CBFA2T2: variants seen among roughly 807,000 people sequenced by gnomAD.
CBFA2T2 encodes CBFA2/RUNX1 partner transcriptional co-repressor 2, also known as protein CBFA2T2.
CBFA2T2 carries 11 observed loss-of-function variants against 62.2 expected under a neutral mutation model. The observed-to-expected ratio is 0.18, with a 90% CI of 0.11 to 0.29. CBFA2T2 has a LOEUF of 0.29. Ranked by LOEUF, CBFA2T2 falls within the 10% of genes least tolerant of loss-of-function variation. The pLI is 1.00. For synonymous variants in CBFA2T2, 295 were observed against 287.5 expected (o/e 1.03, Z -0.27); for missense variants, 592 against 774.1 (o/e 0.76, Z 2.79).
Position 33,629,900 on chromosome 20 carries a change from A to G in CBFA2T2, c.1214A>G (p.Asp405Gly). 6.2e-7 allele frequency: 1 copy of G among 1,612,740 alleles called. No homozygotes were observed. The highest frequency in any genetic ancestry group is 1.7e-4 in the Middle Eastern group (1 of 6,006). The change falls in exon 8 of 11, where the codon GAT becomes GGT. Residue 405 changes from aspartate to glycine, a missense_variant. Asp to Gly is a moderately conservative substitution (Grantham distance 94, BLOSUM62 -1). Transcript: ENST00000342704. ...AGGCAGCACAGCCCTGGGAGTGCAG[A>G]TTCTCTCAGCAATGGTAAGGGGAGA... ...VSRQHSPGSADSLSNDSQREF... is the reference protein window; with the variant it reads ...VSRQHSPGSAGSLSNDSQREF...
intron 2 of CBFA2T2, among the ~76,000 whole-genome samples, chr20:33,609,160 G>A (rs1288682825): frequency 6.6e-6 from 1 of 151,828 alleles, no homozygotes; most frequent in Non-Finnish European, 1.5e-5. Flanking sequence ...ATTGTGTATT[G>A]TATTATTAAT....
chr20:33,634,687 AAAAAAAAAAG>A (rs1198955176), intron 8 of CBFA2T2, among the ~76,000 whole-genome samples: 8 of 150,334 alleles, frequency 5.3e-5, no homozygotes, highest in African/African-American at 1.7e-4. Flanking sequence ...AAAAAAAAAA[AAAAAAAAAAG>A]AATCTGAATA....
At chr20:33,623,387 G>A in intron 5 of CBFA2T2, 91 bp downstream of exon 5, 3 of 1,471,314 alleles carry the variant, frequency 2.0e-6, no homozygotes, top group Non-Finnish European at 1.9e-6. Flanking sequence ...GATTGCTGTG[G>A]TTGTAATGTC....
At chr20:33,540,719 G>C (rs1323057182) in intron 1 of CBFA2T2, among the ~76,000 whole-genome samples, 1 of 152,140 alleles carries the variant, frequency 6.6e-6, no homozygotes, top group Non-Finnish European at 1.5e-5. Context: ...TATTCGTTGT[G>C]TTAAAAAGCC....
intron 1 of CBFA2T2, among the ~76,000 whole-genome samples, chr20:33,512,303 A>C (rs1344727626): frequency 6.6e-6 from 1 of 152,056 alleles, no homozygotes; most frequent in Non-Finnish European, 1.5e-5. Flanking sequence ...GTGAACCAAG[A>C]TGGGGCTACT....
chr20:33,495,882 G>A (rs967223912), intron 1 of CBFA2T2, among the ~76,000 whole-genome samples: 3 of 152,054 alleles, frequency 2.0e-5, no homozygotes, highest in African/African-American at 7.2e-5. Flanking sequence ...TACCCCATTT[G>A]CAGGTTTATT....
At chr20:33,616,008 C>T (rs959706006) in intron 3 of CBFA2T2, among the ~76,000 whole-genome samples, 5 of 151,872 alleles carry the variant, frequency 3.3e-5, no homozygotes, top group Admixed American at 6.6e-5. Flanking sequence ...CCCAGGAGTT[C>T]GAGGCTGCCA....
intron 8 of CBFA2T2, among the ~76,000 whole-genome samples, chr20:33,633,235 G>A (rs911833084): frequency 3.9e-5 from 6 of 152,024 alleles, no homozygotes; most frequent in Admixed American, 1.3e-4. Context: ...AGCCAGGCAT[G>A]GTAGCACATG....
chr20:33,521,473 C>T (rs958924021), intron 1 of CBFA2T2, among the ~76,000 whole-genome samples: 10 of 152,092 alleles, frequency 6.6e-5, no homozygotes, highest in Non-Finnish European at 1.2e-4. Flanking sequence ...GGATAAAAGG[C>T]ATATTTTAGC....
chr20:33,649,521 G>A lies in CBFA2T2; in HGVS notation c.*4875G>A, dbSNP rs2017176478. On this transcript the variant is annotated 3_prime_UTR_variant, in exon 11 of 11. Coordinates refer to ENST00000342704, the MANE Select transcript of CBFA2T2 (RefSeq NM_001032999.3). Reference sequence around the variant, plus strand: ...CCTCCTCCCCCTCCACAGCCCCTGAGGTGGAGCTTCCCTCACAGACCCCAT... The same window carrying A: ...CCTCCTCCCCCTCCACAGCCCCTGAAGTGGAGCTTCCCTCACAGACCCCAT... The A allele has an allele frequency of 1.3e-5, 2 of 152,548 alleles. No homozygotes were observed. The highest frequency in any genetic ancestry group is 4.1e-4 in the South Asian group (2 of 4,830). 9.4% of individuals were successfully genotyped at this position (152,548 alleles called of 1,614,324 possible).
chr20:33,610,011 G>T (rs559324274), intron 2 of CBFA2T2, among the ~76,000 whole-genome samples: 2 of 152,176 alleles, frequency 1.3e-5, no homozygotes, highest in Non-Finnish European at 2.9e-5. Flanking sequence ...TGCCAGGCAC[G>T]GTGGCTCATG....
chr20:33,611,332 G>A lies in CBFA2T2; in HGVS notation c.417G>A (p.Leu139=). The part of the protein sequence containing the change: ...GEKVRTLVLA[L]VNSTVTIEEF... ...AGGTGCGGACTCTTGTTCTTGCACT[G>A]GTGGTAAGTACAGCCTCACTGTTGT... is the stretch of plus-strand genomic sequence containing the variant. Residue 139 remains leucine, a synonymous_variant, in exon 3 of 11, where the codon CTG becomes CTA. Transcript: ENST00000342704. 1 of 1,613,958 alleles carries A rather than the reference G, an allele frequency of 6.2e-7. No homozygotes were observed. The highest frequency in any genetic ancestry group is 8.5e-7 in the Non-Finnish European group (1 of 1,179,852).
chr20:33,548,534 G>A (rs866048743), intron 1 of CBFA2T2, among the ~76,000 whole-genome samples: 3 of 151,898 alleles, frequency 2.0e-5, no homozygotes, highest in Admixed American at 6.6e-5. Context: ...ATGAGCCACC[G>A]TGCCTGGCCT....
chr20:33,550,958 T>C (rs971576073), intron 1 of CBFA2T2, among the ~76,000 whole-genome samples: 4 of 151,812 alleles, frequency 2.6e-5, no homozygotes, highest in Admixed American at 1.3e-4. Flanking sequence ...GCTACATGAG[T>C]TGGAAGCTAC....
At chr20:33,632,674 CCTAACCT>C (rs2016496182) in intron 8 of CBFA2T2, among the ~76,000 whole-genome samples, 1 of 151,114 alleles carries the variant, frequency 6.6e-6, no homozygotes, top group East Asian at 2.0e-4. Context: ...GTCTTCAATT[CCTAACCT>C]TGTGATCCAC....
At chr20:33,638,708 TC>T (rs2016717578) in intron 9 of CBFA2T2, 1 of 152,250 alleles carries the variant, frequency 6.6e-6, no homozygotes, top group Non-Finnish European at 1.5e-5. Context: ...TTCTGGATTG[TC>T]TAGTCCTGTG....
chr20:33,576,412 C>T (rs1329051076), intron 1 of CBFA2T2, among the ~76,000 whole-genome samples: 2 of 152,174 alleles, frequency 1.3e-5, no homozygotes, highest in Non-Finnish European at 2.9e-5. Context: ...GATTCAGTCT[C>T]CACTATACTA....
intron 1 of CBFA2T2, among the ~76,000 whole-genome samples, chr20:33,534,204 AAACTTTTTCTAAAATATTTTCAAGTACTT>A (rs1207074216): frequency 6.6e-6 from 1 of 152,304 alleles, no homozygotes; most frequent in South Asian, 2.1e-4. Flanking sequence ...AGAAATTGCC[AAACTTTTTCTAAAATATTTTCAAGTACTT>A]ACCATCTATA....
chr20:33,583,202 T>C (rs1287782325), intron 1 of CBFA2T2, among the ~76,000 whole-genome samples: 1 of 152,238 alleles, frequency 6.6e-6, no homozygotes, highest in Non-Finnish European at 1.5e-5. Flanking sequence ...TTGTTTCCAT[T>C]AGATTGTGTT....
Sources: allele counts gnomAD v4.1 joint callset (sites outside exome capture counted in the v4.1 genomes callset), GRCh38; gene constraint gnomAD v4.1.1; transcripts MANE v1.5; gene names NCBI Gene and HGNC (gene_info 2026-07-23, HGNC 2026-07-21).